The following TSHR variants were observed in gnomAD, a reference collection of about 807,000 sequenced individuals.
TSHR encodes the protein thyroid stimulating hormone receptor.
TSHR carries 51 observed loss-of-function variants against 64.1 expected under a neutral mutation model. That is an observed-to-expected ratio of 0.80 (90% CI 0.64 to 1.01). The LOEUF (loss-of-function observed/expected upper bound fraction) is 1.01. Among genes scored for constraint, TSHR ranks in the 50% least tolerant of loss-of-function variants. The pLI, the probability that TSHR is intolerant of heterozygous loss-of-function variation, is 0.00. For missense variants in TSHR, 877 were observed against 942.8 expected (o/e 0.93, Z 0.91); for synonymous variants, 361 against 361.9 (o/e 1.00, Z 0.03).
intron 1 of TSHR, among the ~76,000 whole-genome samples, chr14:81,030,245 A>G (rs1884282326): frequency 6.6e-6 from 1 of 152,128 alleles, no homozygotes; most frequent in Non-Finnish European, 1.5e-5. Context: ...CTCTGATACT[A>G]AAACAGAATT....
chr14:81,085,001 G>C (rs187997977), intron 3 of TSHR, among the ~76,000 whole-genome samples: 1 of 151,702 alleles, frequency 6.6e-6, no homozygotes, highest in Admixed American at 6.6e-5. Flanking sequence ...TTGCTTTTTC[G>C]CCCAGGATGG....
At chr14:80,981,541 A>G (rs1466795353) in intron 1 of TSHR, among the ~76,000 whole-genome samples, 2 of 152,104 alleles carry the variant, frequency 1.3e-5, no homozygotes, top group African/African-American at 4.8e-5. Context: ...TGGGAAGGAT[A>G]GCATCTTCTG....
At chr14:80,974,095 C>T (rs952704504) in intron 1 of TSHR, among the ~76,000 whole-genome samples, 13 of 152,174 alleles carry the variant, frequency 8.5e-5, no homozygotes, top group Admixed American at 7.9e-4. Flanking sequence ...TAACAGAATA[C>T]GCCTTGATCA....
rs186332913 is a variant in TSHR at position 81,053,519 on chromosome 14, G to A, written c.171-8629G>A. 1.1e-4 allele frequency: 16 copies of A among 152,264 alleles called. No individual in the cohort carries two copies. In the East Asian group the frequency reaches 1.5e-3, roughly 15 times the overall value. The allele number at this position is 152,264 out of a possible 1,614,324, so 9.4% of individuals were successfully genotyped here. A position where few individuals can be genotyped will look rare whatever the true frequency, so the allele number is the denominator to read the frequency against. On this transcript the variant is annotated intron_variant, in intron 1 of 9. Coordinates refer to ENST00000298171, the MANE Select transcript of TSHR (RefSeq NM_000369.5). Reference sequence around the variant, plus strand: ...ACAAATACCAATCAAGAATGCTGACGGAAACATACCTACTTGTGTGACTAC... The same window carrying A: ...ACAAATACCAATCAAGAATGCTGACAGAAACATACCTACTTGTGTGACTAC...
Position 81,143,187 on chromosome 14 carries a change from A to G in TSHR, c.1129A>G (p.Thr377Ala), listed in dbSNP as rs2140109809. The G allele has an allele frequency of 6.2e-7, 1 of 1,613,966 alleles. No homozygotes were observed. The highest frequency in any genetic ancestry group is 1.1e-5 in the South Asian group (1 of 91,076). The change falls in exon 10 of 10, where the codon ACT becomes GCT. Residue 377 changes from threonine to alanine, a missense_variant. Physicochemically the swap from Thr to Ala is moderately conservative, Grantham distance 58. Transcript: ENST00000298171. ...GGAGCTCAAAAACCCCCAGGAAGAG[A>G]CTCTACAAGCTTTTGACAGCCATTA... ...GQELKNPQEE[T>A]LQAFDSHYDY...
At chr14:80,961,584 T>C (rs561681149) in intron 1 of TSHR, among the ~76,000 whole-genome samples, 1 of 152,148 alleles carries the variant, frequency 6.6e-6, no homozygotes, top group Admixed American at 6.5e-5. Flanking sequence ...ACAATAAAAT[T>C]TGTTACTACT....
chr14:81,108,388 A>AGGT lies in TSHR; in HGVS notation c.628_629insGGT (p.Asn210delinsArgTyr). On this transcript the variant is annotated protein_altering_variant, in exon 8 of 10. Coordinates refer to ENST00000298171, the MANE Select transcript of TSHR (RefSeq NM_000369.5). ...CTCTCCCTCTAGTTACCTAAACAAG[A>AGGT]ATAAATACCTGACAGTTATTGACAA... 1.2e-6 allele frequency: 2 copies of AGGT among 1,613,464 alleles called. No individual in the cohort carries two copies. The highest frequency in any genetic ancestry group is 1.7e-6 in the Non-Finnish European group (2 of 1,179,674).
intron 2 of TSHR, 135 bp downstream of exon 2, chr14:81,062,354 T>C (rs1246846583): frequency 1.6e-6 from 1 of 619,594 alleles, no homozygotes; most frequent in Non-Finnish European, 2.8e-6. Context: ...TATGACAATT[T>C]TATGTACATG....
intron 8 of TSHR, among the ~76,000 whole-genome samples, chr14:81,117,464 T>TC (rs1217754888): frequency 1.7e-5 from 2 of 119,852 alleles, no homozygotes; most frequent in Non-Finnish European, 3.3e-5. Context: ...ACACATACAC[T>TC]CTCCCAAGAC....
chr14:81,077,721 A>G (rs1350555969), intron 3 of TSHR, among the ~76,000 whole-genome samples: 4 of 151,734 alleles, frequency 2.6e-5, no homozygotes, highest in African/African-American at 9.7e-5. Context: ...TCAGTCTACC[A>G]TTTTCCTATT....
intron 3 of TSHR, among the ~76,000 whole-genome samples, chr14:81,079,988 T>C (rs1887784250): frequency 6.6e-6 from 1 of 152,108 alleles, no homozygotes; most frequent in Non-Finnish European, 1.5e-5. Context: ...AGTCTTGCTC[T>C]GTCGCCCAGG....
At position 81,103,832 on chromosome 14, in the gene TSHR, T is replaced by C. The variant is rs778132113; in HGVS notation, c.615-4543T>C. The C allele has an allele frequency of 8.3e-5, 82 of 985,374 alleles. No individual in the cohort carries two copies. The highest frequency in any genetic ancestry group is 9.5e-5 in the Non-Finnish European group (79 of 829,948). The allele number at this position is 985,374 out of a possible 1,614,324, so 61.0% of individuals were successfully genotyped here. On this transcript the variant is annotated intron_variant, in intron 7 of 9. Transcript: ENST00000298171. This position sits in a 1 kb window ranked among gnomAD's most constrained non-coding sequence, Gnocchi z 4.1. Reference sequence around the variant, plus strand: ...GTCTGATTCTCTGTATCACATTTCCTATTGTCAAACTCTAGTAACTAGCTA... The same window carrying C: ...GTCTGATTCTCTGTATCACATTTCCCATTGTCAAACTCTAGTAACTAGCTA...
chr14:81,122,376 A>G (rs778568121), intron 8 of TSHR, among the ~76,000 whole-genome samples: 15 of 151,926 alleles, frequency 9.9e-5, no homozygotes, highest in Admixed American at 3.3e-4. Context: ...TGGAGCATGT[A>G]GAAAACTTAG....
intron 4 of TSHR, among the ~76,000 whole-genome samples, chr14:81,089,324 C>T (rs1888545754): frequency 6.6e-6 from 1 of 152,008 alleles, no homozygotes; most frequent in Non-Finnish European, 1.5e-5. Flanking sequence ...GTGAGAGATG[C>T]CAGGGGAATG....
At chr14:80,996,238 A>G (rs555183014) in intron 1 of TSHR, among the ~76,000 whole-genome samples, 23 of 152,100 alleles carry the variant, frequency 1.5e-4, no homozygotes, top group Non-Finnish European at 2.6e-4. Flanking sequence ...CAAGCTTTCA[A>G]TTACATTCCA....
intron 1 of TSHR, among the ~76,000 whole-genome samples, chr14:81,048,939 T>A (rs779394776): frequency 1.3e-5 from 2 of 152,204 alleles, no homozygotes; most frequent in Non-Finnish European, 2.9e-5. Context: ...ATAAGTGTTT[T>A]GGTCTTTATT....
chr14:81,088,671 G>A (rs1481887966), intron 4 of TSHR, among the ~76,000 whole-genome samples: 1 of 152,114 alleles, frequency 6.6e-6, no homozygotes, highest in African/African-American at 2.4e-5. Flanking sequence ...GATACCAGGT[G>A]GAAGAGTCCT....
intron 1 of TSHR, chr14:80,992,697 A>T (rs893208885): frequency 1.3e-5 from 2 of 152,206 alleles, no homozygotes; most frequent in Non-Finnish European, 2.9e-5. Flanking sequence ...TGCAAAACAG[A>T]ATTGCAAGAT....
chr14:81,059,055 G>A (rs374908703), intron 1 of TSHR, among the ~76,000 whole-genome samples: 5 of 152,024 alleles, frequency 3.3e-5, no homozygotes, highest in Admixed American at 1.3e-4. Context: ...TGTGCATGCC[G>A]GAGCACATGT....
Sources: allele counts gnomAD v4.1 joint callset (sites outside exome capture counted in the v4.1 genomes callset), GRCh38; gene constraint gnomAD v4.1.1; non-coding constraint Gnocchi (gnomAD v3.1); transcripts MANE v1.5; gene names NCBI Gene and HGNC (gene_info 2026-07-23, HGNC 2026-07-21).